SMYD3: variants seen among roughly 807,000 people sequenced by gnomAD.
SMYD3 encodes SET and MYND domain containing 3.
A neutral mutation model predicts 57.7 loss-of-function variants in SMYD3; 36 were observed. The observed-to-expected ratio is 0.62, with a 90% CI of 0.48 to 0.82. The LOEUF is 0.82. Ranked by LOEUF, SMYD3 falls within the 40% of genes least tolerant of loss-of-function variation. The pLI, the probability that SMYD3 is intolerant of heterozygous loss-of-function variation, is 0.00. For synonymous variants in SMYD3, 211 were observed against 195.0 expected, an observed-to-expected ratio of 1.08 and a Z score of -0.68; for missense variants, 515 against 538.8, an observed-to-expected ratio of 0.96 and a Z score of 0.44.
chr1:246,342,184 C>T (rs1413884), intron 2 of SMYD3, among the ~76,000 whole-genome samples: 103,451 of 151,926 alleles, frequency 0.68, 35,950 homozygotes, highest in Middle Eastern at 0.76. Flanking sequence ...TTTTTTGAGC[C>T]CACTTATTCA....
chr1:245,895,912 A>G (rs1558469348), intron 8 of SMYD3, among the ~76,000 whole-genome samples: 1 of 152,250 alleles, frequency 6.6e-6, no homozygotes, highest in Non-Finnish European at 1.5e-5. Context: ...AAAGAAGCTG[A>G]AATAATTACC....
chr1:246,245,120 C>CTTTTTTTTTTTTTTTTTTTTTTTTTTT (rs74163421), intron 5 of SMYD3, among the ~76,000 whole-genome samples: 9 of 122,946 alleles, frequency 7.3e-5, no homozygotes, highest in Admixed American at 1.7e-4. Flanking sequence ...CAGCTACTGC[C>CTTTTTTTTTTTTTTTTTTTTTTTTTTT]TTTTTTTTTT....
intron 5 of SMYD3, among the ~76,000 whole-genome samples, chr1:246,162,880 T>C (rs2062145735): frequency 6.6e-6 from 1 of 152,196 alleles, no homozygotes; most frequent in Admixed American, 6.5e-5. Context: ...ACCAACTTAA[T>C]ATATATCCTA....
chr1:246,378,281 T>G (rs1558433251), intron 1 of SMYD3, among the ~76,000 whole-genome samples: 1 of 152,078 alleles, frequency 6.6e-6, no homozygotes, highest in Non-Finnish European at 1.5e-5. Context: ...TGATACTGAG[T>G]GTAAACTTGA....
At chr1:246,378,726 T>TATATATAAATATATATAATATA (rs58702520) in intron 1 of SMYD3, among the ~76,000 whole-genome samples, 1 of 89,862 alleles carries the variant, frequency 1.1e-5, no homozygotes, top group Non-Finnish European at 2.1e-5. Flanking sequence ...TATAATATAT[T>TATATATAAATATATATAATATA]ATATATTATA....
intron 5 of SMYD3, among the ~76,000 whole-genome samples, chr1:246,009,654 C>T (rs933550361): frequency 2.6e-5 from 4 of 151,938 alleles, no homozygotes; most frequent in African/African-American, 9.7e-5. Context: ...AGCCGTAAGG[C>T]AAGTCTCTCC....
chr1:246,495,774 T>C (rs1362803262), intron 1 of SMYD3, among the ~76,000 whole-genome samples: 3 of 151,184 alleles, frequency 2.0e-5, no homozygotes, highest in Non-Finnish European at 4.4e-5. Flanking sequence ...ACCCCATCTC[T>C]ACCAAAAATA....
In SMYD3 at chr1:246,014,461, T is replaced by C. The variant is rs113745814; in HGVS notation, c.532-84524A>G. On this transcript the variant is annotated intron_variant, in intron 5 of 11. Coordinates refer to ENST00000490107, the MANE Select transcript of SMYD3 (RefSeq NM_001167740.2). ...GGGTTTCATGAAACAGCATGAACTA[T>C]GAACTTTGAACGAAGAGTCACGGGC... Among the ~76,000 whole-genome samples, 166 of 152,330 alleles carry C rather than the reference T, an allele frequency of 1.1e-3. 4 individuals carry two copies. The highest frequency in any genetic ancestry group is 3.6e-3 in the African/African-American group (148 of 41,576).
At chr1:245,859,796 T>C (rs1184329962) in intron 9 of SMYD3, among the ~76,000 whole-genome samples, 1 of 152,258 alleles carries the variant, frequency 6.6e-6, no homozygotes, top group East Asian at 1.9e-4. Context: ...AATGGCAGCC[T>C]AGCCTTTGAC....
At chr1:246,400,963 A>G (rs2066757932) in intron 1 of SMYD3, among the ~76,000 whole-genome samples, 1 of 152,228 alleles carries the variant, frequency 6.6e-6, no homozygotes, top group Admixed American at 6.5e-5. Flanking sequence ...AATTCATAAA[A>G]TTCACAAAAT....
chr1:245,816,976 G>A (rs995480169), intron 10 of SMYD3, among the ~76,000 whole-genome samples: 7 of 150,968 alleles, frequency 4.6e-5, no homozygotes, highest in South Asian at 2.1e-4. Flanking sequence ...GGGGAGGGGC[G>A]CCCGCCATTG....
chr1:245,929,891 A>G lies in SMYD3; in HGVS notation c.578T>C (p.Val193Ala), dbSNP rs1253868183. 3.1e-6 allele frequency: 5 copies of G among 1,613,856 alleles called. No individual in the cohort carries two copies. The highest frequency in any genetic ancestry group is 1.7e-5 in the Admixed American group (1 of 60,012). ...ATACCTGGGATATAGGCCAACACCA[A>G]CTTCCTGCATCTCCGCATTACAGAT... ...FTICNAEMQE[V>A]GVGLYPSISL... Residue 193 changes from valine (V) to alanine (A), a missense_variant, in exon 6 of 12, where the codon GTT (valine) becomes GCT (alanine). Val to Ala is a moderately conservative substitution (Grantham distance 64, BLOSUM62 0). Coordinates refer to ENST00000490107, the MANE Select transcript of SMYD3 (RefSeq NM_001167740.2).
chr1:246,357,367 G>T (rs751959847), intron 1 of SMYD3, among the ~76,000 whole-genome samples: 2 of 152,222 alleles, frequency 1.3e-5, no homozygotes, highest in Non-Finnish European at 2.9e-5. Flanking sequence ...TCAGTGCCAT[G>T]ACAGTTTACA....
chr1:246,011,704 T>C (rs896947280), intron 5 of SMYD3, among the ~76,000 whole-genome samples: 1 of 152,126 alleles, frequency 6.6e-6, no homozygotes, highest in Admixed American at 6.5e-5. Flanking sequence ...ATGGCATAAC[T>C]AATTAATATG....
intron 5 of SMYD3, among the ~76,000 whole-genome samples, chr1:246,110,578 G>T (rs1245384560): frequency 6.6e-6 from 1 of 152,226 alleles, no homozygotes; most frequent in African/African-American, 2.4e-5. Flanking sequence ...AGCAAGCTGA[G>T]CTGTGTCCTG....
intron 5 of SMYD3, among the ~76,000 whole-genome samples, chr1:246,214,816 G>C (rs935651852): frequency 1.3e-5 from 2 of 152,090 alleles, no homozygotes; most frequent in Non-Finnish European, 2.9e-5. Context: ...AAGAGGAATG[G>C]AGAATAGCAA....
intron 5 of SMYD3, among the ~76,000 whole-genome samples, chr1:246,175,587 G>C (rs1295254782): frequency 6.6e-6 from 1 of 152,138 alleles, no homozygotes; most frequent in African/African-American, 2.4e-5. Flanking sequence ...AGTAGTCTGT[G>C]AACTATCGAG....
intron 5 of SMYD3, among the ~76,000 whole-genome samples, chr1:246,101,447 C>G (rs986459768): frequency 6.6e-6 from 1 of 152,140 alleles, no homozygotes; most frequent in East Asian, 1.9e-4. Flanking sequence ...TGCCAATCCC[C>G]ATCCACATCT....
chr1:245,896,466 G>A (rs1261942099), intron 8 of SMYD3, among the ~76,000 whole-genome samples: 1 of 146,786 alleles, frequency 6.8e-6, no homozygotes, highest in Non-Finnish European at 1.5e-5. Flanking sequence ...AAACAAAGCT[G>A]AAGCTCCAGG....
Sources: gnomAD v4.1 joint callset for allele counts (sites outside exome capture counted in the v4.1 genomes callset) on GRCh38, gnomAD v4.1.1 for gene constraint, MANE v1.5 for transcripts, NCBI Gene and HGNC (gene_info 2026-07-23, HGNC 2026-07-21) for gene names.